The following ACSM6 variants were observed in gnomAD, a reference collection of about 807,000 sequenced individuals.
The protein encoded by ACSM6 is acyl-CoA synthetase medium chain family member 6.
A neutral mutation model predicts 51.1 loss-of-function variants in ACSM6; 35 were observed. The observed-to-expected ratio is 0.69, with a 90% CI of 0.52 to 0.91. The LOEUF (loss-of-function observed/expected upper bound fraction) is 0.91. ACSM6 is among the 40% of genes least tolerant of loss of function. ACSM6 has a pLI of 0.00. For synonymous variants in ACSM6, 172 were observed against 207.3 expected, an observed-to-expected ratio of 0.83 and a Z score of 1.46; for missense variants, 509 against 584.1, an observed-to-expected ratio of 0.87 and a Z score of 1.32.
chr10:95,208,119 G>A (rs1024464052), intron 4 of ACSM6, among the ~76,000 whole-genome samples: 1 of 151,808 alleles, frequency 6.6e-6, no homozygotes, highest in Non-Finnish European at 1.5e-5. Flanking sequence ...CCAGCCTGGG[G>A]GACAGAGTGA....
intron 2 of ACSM6, among the ~76,000 whole-genome samples, chr10:95,197,690 G>A (rs1320796853): frequency 6.6e-6 from 1 of 152,108 alleles, no homozygotes; most frequent in African/African-American, 2.4e-5. Flanking sequence ...GTTCCCAGGA[G>A]CAGGCAGGAG....
chr10:95,205,373 G>A (rs554356952), intron 3 of ACSM6, among the ~76,000 whole-genome samples: 42 of 152,194 alleles, frequency 2.8e-4, no homozygotes, highest in Middle Eastern at 6.8e-3. Context: ...CAAGGCAGAC[G>A]CAATGTCAGT....
Position 95,211,793 on chromosome 10 carries a change from G to C in ACSM6, c.756-85G>C. On this transcript the variant is annotated intron_variant, in intron 5 of 10. Transcript: ENST00000341686. ...TGTGTGATCTTTGTTTCTCCCCACA[G>C]GTCAGGGCTTGATAATAGCAAGTAT... 4 of 1,382,552 alleles carry C rather than the reference G, an allele frequency of 2.9e-6. No homozygotes were observed. In the South Asian group the frequency reaches 4.3e-5, roughly 15 times the overall value. 85.6% of individuals were successfully genotyped at this position (1,382,552 alleles called of 1,614,324 possible). A position where few individuals can be genotyped will look rare whatever the true frequency, so the allele number is the denominator to read the frequency against.
chr10:95,225,160 G>A (rs1427145410), intron 9 of ACSM6, 130 bp from the exon 10 acceptor site: 3 of 688,068 alleles, frequency 4.4e-6, no homozygotes, highest in Non-Finnish European at 7.4e-6. Flanking sequence ...CAGTATCTAA[G>A]TACACCAACC....
intron 3 of ACSM6, among the ~76,000 whole-genome samples, chr10:95,202,871 G>A (rs892836244): frequency 4.6e-5 from 7 of 151,488 alleles, no homozygotes; most frequent in Non-Finnish European, 5.9e-5. Flanking sequence ...CCTGGAAGGC[G>A]GAGGTTGCAG....
At chr10:95,217,200 T>C (rs971361962) in intron 8 of ACSM6, among the ~76,000 whole-genome samples, 1 of 148,802 alleles carries the variant, frequency 6.7e-6, no homozygotes, top group Non-Finnish European at 1.5e-5. Flanking sequence ...TACAAAAAAT[T>C]AGCCGGGTGT....
intron 4 of ACSM6, among the ~76,000 whole-genome samples, chr10:95,209,520 G>C (rs958084912): frequency 1.3e-5 from 2 of 152,192 alleles, no homozygotes; most frequent in African/African-American, 4.8e-5. Flanking sequence ...GGCTGTTGCT[G>C]TCGTCCAGAT....
chr10:95,205,878 T>C (rs1365387749), intron 3 of ACSM6, among the ~76,000 whole-genome samples: 1 of 152,202 alleles, frequency 6.6e-6, no homozygotes, highest in East Asian at 1.9e-4. Context: ...AGCTATAAGA[T>C]GGCAATCAGT....
chr10:95,197,428 G>A (rs2034742536), intron 2 of ACSM6, among the ~76,000 whole-genome samples: 1 of 152,302 alleles, frequency 6.6e-6, no homozygotes, highest in South Asian at 2.1e-4. Context: ...AGGGCAGGGT[G>A]ATAATAAGGA....
chr10:95,219,818 G>C lies in ACSM6; in HGVS notation c.1120-73G>C, dbSNP rs1400311788. The C allele has an allele frequency of 9.6e-6, 11 of 1,143,206 alleles. No individual in the cohort carries two copies. In the East Asian group the frequency reaches 2.1e-4, roughly 22 times the overall value. The allele number at this position is 1,143,206 out of a possible 1,614,324, so 70.8% of individuals were successfully genotyped here. A position where few individuals can be genotyped will look rare whatever the true frequency, so the allele number is the denominator to read the frequency against. ...TCTGTTAGGAGGCACATAATGTCTG[G>C]TTATGATCAATAACTAGATCCATTA... On this transcript the variant is annotated intron_variant, in intron 8 of 10. Coordinates refer to ENST00000341686, the Ensembl canonical transcript of ACSM6.
intron 8 of ACSM6, among the ~76,000 whole-genome samples, chr10:95,218,913 A>C (rs2034968693): frequency 6.6e-6 from 1 of 152,238 alleles, no homozygotes; most frequent in Non-Finnish European, 1.5e-5. Context: ...AAACACAAGA[A>C]AATATTAAGT....
At position 95,219,454 on chromosome 10, in the gene ACSM6, C is replaced by A. The variant is rs1370562628; in HGVS notation, c.1120-437C>A. 2.6e-5 allele frequency among the ~76,000 whole-genome samples: 4 copies of A among 152,218 alleles called. No homozygotes were observed. The East Asian group carries it at 7.7e-4, about 29-fold the overall frequency. On this transcript the variant is annotated intron_variant, in intron 8 of 10. Transcript: ENST00000341686. ...TTGCCTTTTATTAACAAATATCTAC[C>A]ACTGACATTTTCATCCATCATCTAA...
exon 10 of ACSM6, chr10:95,225,389 A>T (rs959174308): frequency 6.5e-7 from 1 of 1,527,978 alleles, no homozygotes; most frequent in East Asian, 2.5e-5. Context: ...CTGTCCACAC[A>T]TGGTAAGAAA....
chr10:95,216,227 C>T (rs1183134162), intron 8 of ACSM6, among the ~76,000 whole-genome samples: 1 of 152,122 alleles, frequency 6.6e-6, no homozygotes, highest in African/African-American at 2.4e-5. Flanking sequence ...ATTCACTGTG[C>T]CCAGCATCTC....
At chr10:95,202,171 A>C (rs1200920730) in exon 3 of ACSM6, 2 of 1,552,040 alleles carry the variant, frequency 1.3e-6, no homozygotes, top group African/African-American at 2.7e-5. Flanking sequence ...AGCCTACTGG[A>C]TCTGCCTGGC....
At chr10:95,210,705 A>G in exon 5 of ACSM6, 1 of 1,614,018 alleles carries the variant, frequency 6.2e-7, no homozygotes, top group Non-Finnish European at 8.5e-7. Context: ...TCCAATGGCC[A>G]TATTCTTCAC....
intron 6 of ACSM6, among the ~76,000 whole-genome samples, 179 bp from the exon 7 acceptor site, chr10:95,212,679 C>A (rs1471731397): frequency 6.6e-6 from 1 of 152,178 alleles, no homozygotes; most frequent in Non-Finnish European, 1.5e-5. Flanking sequence ...AAGCTAAATT[C>A]TCTCCCAAGG....
chr10:95,201,961 T>C (rs971556933), intron 2 of ACSM6, 24 bp from the exon 3 acceptor site: 13 of 1,543,828 alleles, frequency 8.4e-6, no homozygotes, highest in Middle Eastern at 1.7e-4. Flanking sequence ...CTAATATTCA[T>C]ATTTTAAACA....
chr10:95,206,932 C>G (rs1418128178), intron 3 of ACSM6, among the ~76,000 whole-genome samples: 2 of 152,190 alleles, frequency 1.3e-5, no homozygotes, highest in Non-Finnish European at 2.9e-5. Context: ...TTTCAAGTAA[C>G]TGGTGGTCTG....
Sources: gnomAD v4.1 joint callset for allele counts (sites outside exome capture counted in the v4.1 genomes callset) on GRCh38, gnomAD v4.1.1 for gene constraint, MANE v1.5 for transcripts, NCBI Gene and HGNC (gene_info 2026-07-23, HGNC 2026-07-21) for gene names.